DNAJC15: variants seen among roughly 807,000 people sequenced by gnomAD.
DNAJC15 encodes dnaJ homolog subfamily C member 15.
DNAJC15 carries 27 observed loss-of-function variants against 22.4 expected under a neutral mutation model. The ratio of observed to expected loss-of-function variants is 1.20; its 90% CI spans 0.89 to 1.66. DNAJC15 has a LOEUF of 1.66. Ranked by LOEUF, DNAJC15 falls within the 40% of genes most tolerant of loss-of-function variation. The probability of loss-of-function intolerance (pLI) is 0.00; values close to 1 mark genes in which losing one functional copy is unlikely to be tolerated. For missense variants in DNAJC15, 208 were observed against 187.1 expected, an observed-to-expected ratio of 1.11 and a Z score of -0.65; for synonymous variants, 79 against 63.2, an observed-to-expected ratio of 1.25 and a Z score of -1.19.
In DNAJC15 at chr13:43,085,829, C is replaced by T; in HGVS notation, c.373C>T (p.Pro125Ser). 1 of 1,612,796 alleles carries T rather than the reference C, an allele frequency of 6.2e-7. No individual in the cohort carries two copies. Among genetic ancestry groups the T allele is most frequent in the African/African-American group, 1.3e-5 (1 of 74,944 alleles). Residue 125 changes from proline to serine, a missense_variant, in exon 5 of 6, where the codon CCA (proline) becomes TCA (serine). Coordinates refer to ENST00000379221, the MANE Select transcript of DNAJC15 (RefSeq NM_013238.3). Reference sequence around the variant, plus strand: ...TAGGAGAGTCATGATTTTGAATCACCCAGATAAAGGTAGGTAGAATTCCTA... The same window carrying T: ...TAGGAGAGTCATGATTTTGAATCACTCAGATAAAGGTAGGTAGAATTCCTA... ...AHRRVMILNH[P>S]DKGGSPYVAA...
intron 1 of DNAJC15, among the ~76,000 whole-genome samples, chr13:43,034,243 A>G (rs1190947529): frequency 8.9e-6 from 1 of 112,174 alleles, no homozygotes; most frequent in Non-Finnish European, 1.5e-5. Context: ...TATGCTCTCC[A>G]CTCCTTAAAT....
At chr13:43,058,333 A>G (rs2040541276) in intron 1 of DNAJC15, among the ~76,000 whole-genome samples, 1 of 151,880 alleles carries the variant, frequency 6.6e-6, no homozygotes, top group African/African-American at 2.4e-5. Context: ...GGGGACATAG[A>G]GCTCCCAAGA....
At chr13:43,076,387 G>T (rs990432788) in intron 3 of DNAJC15, among the ~76,000 whole-genome samples, 4 of 152,156 alleles carry the variant, frequency 2.6e-5, no homozygotes, top group Admixed American at 1.3e-4. Flanking sequence ...TAAATGGCCA[G>T]ATCTGACTCC....
At chr13:43,078,883 CAA>C (rs1319663233) in intron 4 of DNAJC15, 195 bp downstream of exon 4, 1 of 397,172 alleles carries the variant, frequency 2.5e-6, no homozygotes, top group Non-Finnish European at 4.5e-6. Flanking sequence ...CAAAACAAAA[CAA>C]AAAAACAGGC....
intron 3 of DNAJC15, among the ~76,000 whole-genome samples, chr13:43,073,704 T>G (rs1426430323): frequency 6.6e-6 from 1 of 152,192 alleles, no homozygotes; most frequent in African/African-American, 2.4e-5. Flanking sequence ...TCTTTAAACT[T>G]TCTGGTTTGC....
chr13:43,081,949 G>A lies in DNAJC15; in HGVS notation c.311+3261G>A, dbSNP rs1021717537. Among the ~76,000 whole-genome samples, 3 of 152,120 alleles carry A rather than the reference G, an allele frequency of 2.0e-5. No homozygotes were observed. In the East Asian group the frequency reaches 5.8e-4, roughly 29 times the overall value. On this transcript the variant is annotated intron_variant, in intron 4 of 5. Transcript: ENST00000379221. ...CAAAGGCACATCTTACATAGTGGCA[G>A]CAGGCAAGAGAGCATGTGTAGGGGA... is the stretch of plus-strand genomic sequence containing the variant.
chr13:43,050,886 T>G (rs2040499742), intron 1 of DNAJC15, among the ~76,000 whole-genome samples: 1 of 152,184 alleles, frequency 6.6e-6, no homozygotes, highest in Admixed American at 6.5e-5. Context: ...AAGATTTGAT[T>G]GCTCAATTTT....
At chr13:43,104,444 G>A (rs1235365466) in intron 5 of DNAJC15, among the ~76,000 whole-genome samples, 2 of 152,130 alleles carry the variant, frequency 1.3e-5, no homozygotes, top group South Asian at 4.1e-4. Flanking sequence ...CTTTTATACT[G>A]ATGTGTTTAT....
Position 43,112,898 on chromosome 13 carries a change from T to C in DNAJC15, c.*5650T>C, listed in dbSNP as rs538332733. 6.6e-6 allele frequency: 1 copy of C among 152,356 alleles called. No individual in the cohort carries two copies. The highest frequency in any genetic ancestry group is 1.9e-4 in the East Asian group (1 of 5,194). The allele number at this position is 152,356 out of a possible 1,614,324, so 9.4% of individuals were successfully genotyped here. ...GATGCATGTGACCTGGGATTATAAA[T>C]GTGAAATTAGGTTTACGAAAGGATC... On this transcript the variant is annotated 3_prime_UTR_variant, in exon 6 of 6. Coordinates refer to ENST00000379221, the MANE Select transcript of DNAJC15 (RefSeq NM_013238.3).
chr13:43,051,975 A>T (rs537177720), intron 1 of DNAJC15, among the ~76,000 whole-genome samples: 24 of 151,720 alleles, frequency 1.6e-4, no homozygotes, highest in Non-Finnish European at 2.4e-4. Flanking sequence ...TATTATTATT[A>T]TTTTTTTGAG....
chr13:43,046,670 TG>T (rs1293564827), intron 1 of DNAJC15, among the ~76,000 whole-genome samples: 1 of 152,192 alleles, frequency 6.6e-6, no homozygotes, highest in African/African-American at 2.4e-5. Context: ...CAACCCCCTT[TG>T]GGTCCTCTCA....
chr13:43,045,913 A>G lies in DNAJC15; in HGVS notation c.109-19773A>G, dbSNP rs80187989. ...TTTGTTGTCTGTCTCTCTTGCTAAA[A>G]TGTACCTTCATGAGGATAGGGATTT... On this transcript the variant is annotated intron_variant, in intron 1 of 5. Coordinates refer to ENST00000379221, the MANE Select transcript of DNAJC15 (RefSeq NM_013238.3). Among the ~76,000 whole-genome samples the G allele has an allele frequency of 7.8e-3, 1,193 of 152,312 alleles. 14 individuals are homozygous for G. The highest frequency in any genetic ancestry group is 0.027 in the African/African-American group (1,139 of 41,552).
intron 5 of DNAJC15, among the ~76,000 whole-genome samples, chr13:43,092,615 T>C (rs545185900): frequency 2.8e-4 from 42 of 152,260 alleles, no homozygotes; most frequent in African/African-American, 9.4e-4. Context: ...AAAAATTTTA[T>C]ACTTTTTTCT....
At chr13:43,088,721 T>A (rs2040700698) in intron 5 of DNAJC15, among the ~76,000 whole-genome samples, 1 of 152,238 alleles carries the variant, frequency 6.6e-6, no homozygotes, top group African/African-American at 2.4e-5. Flanking sequence ...CTGATAATAA[T>A]ATATTGTAAT....
intron 3 of DNAJC15, among the ~76,000 whole-genome samples, chr13:43,070,380 T>C (rs1038635513): frequency 2.6e-5 from 4 of 151,900 alleles, no homozygotes; most frequent in African/African-American, 9.7e-5. Flanking sequence ...TACATTACCA[T>C]AGACAGTGGG....
chr13:43,064,041 T>C (rs1231157318), intron 1 of DNAJC15, among the ~76,000 whole-genome samples: 1 of 152,176 alleles, frequency 6.6e-6, no homozygotes, highest in Non-Finnish European at 1.5e-5. Flanking sequence ...ACCCCAAAGA[T>C]AGTTTGCCTC....
At chr13:43,099,691 G>C (rs2040757811) in intron 5 of DNAJC15, among the ~76,000 whole-genome samples, 1 of 151,908 alleles carries the variant, frequency 6.6e-6, no homozygotes, top group Non-Finnish European at 1.5e-5. Flanking sequence ...TTATTTTTTG[G>C]TGGTTAAACC....
chr13:43,077,522 T>C (rs1313400653), intron 3 of DNAJC15, among the ~76,000 whole-genome samples: 4 of 152,182 alleles, frequency 2.6e-5, no homozygotes, highest in Non-Finnish European at 5.9e-5. Context: ...GAAGTGAGCA[T>C]ATATATAAGA....
chr13:43,041,516 A>G (rs983224011), intron 1 of DNAJC15, among the ~76,000 whole-genome samples: 1 of 152,168 alleles, frequency 6.6e-6, no homozygotes, highest in Non-Finnish European at 1.5e-5. Flanking sequence ...CACACTATAG[A>G]TATTTAACAT....
Sources: allele counts gnomAD v4.1 joint callset (sites outside exome capture counted in the v4.1 genomes callset), GRCh38; gene constraint gnomAD v4.1.1; transcripts MANE v1.5; gene names NCBI Gene and HGNC (gene_info 2026-07-23, HGNC 2026-07-21).